The following KDM5A variants were observed in gnomAD, a reference collection of about 807,000 sequenced individuals.
KDM5A encodes the protein lysine demethylase 5A.
A neutral mutation model predicts 193.5 loss-of-function variants in KDM5A; 42 were observed. The observed-to-expected ratio is 0.22, with a 90% confidence interval of 0.17 to 0.28. KDM5A has a LOEUF of 0.28. Among genes scored for constraint, KDM5A ranks in the 10% least tolerant of loss-of-function variants. KDM5A has a pLI of 1.00. For synonymous variants in KDM5A, 796 were observed against 718.1 expected (o/e 1.11, Z -1.73); for missense variants, 1,692 against 2,055.1 (o/e 0.82, Z 3.42).
intron 10 of KDM5A, among the ~76,000 whole-genome samples, chr12:347,941 T>C (rs1353619645): frequency 2.0e-5 from 3 of 152,218 alleles, no homozygotes; most frequent in East Asian, 3.9e-4. Flanking sequence ...AGAGCTTCTG[T>C]ACAGCAAAAG....
At position 282,382 on chromosome 12, in the gene KDM5A, A is replaced by C. The variant is rs144345600; in HGVS notation, c.*3074T>G. 1 of 233,152 alleles carries C rather than the reference A, an allele frequency of 4.3e-6. No homozygotes were observed. Among genetic ancestry groups the C allele is most frequent in the Non-Finnish European group, 8.5e-6 (1 of 118,036 alleles). The allele number at this position is 233,152 out of a possible 1,614,324, so 14.4% of individuals were successfully genotyped here. ...ATTATTCAAGGTATGACATGCAATA[A>C]TTTATAATTTTACTGAGGCACAAAT... On this transcript the variant is annotated 3_prime_UTR_variant, in exon 28 of 28. Transcript: ENST00000399788.
At chr12:320,128 T>C (rs1210019254) in intron 18 of KDM5A, among the ~76,000 whole-genome samples, 1 of 152,178 alleles carries the variant, frequency 6.6e-6, no homozygotes, top group African/African-American at 2.4e-5. Flanking sequence ...TAGTCAACTA[T>C]CAAAATGCTC....
intron 14 of KDM5A, 61 bp downstream of exon 14, chr12:328,774 G>T: frequency 1.4e-6 from 2 of 1,479,868 alleles, no homozygotes; most frequent in Non-Finnish European, 1.9e-6. Flanking sequence ...TCTACCTATA[G>T]GTTTATTTAG....
In KDM5A at chr12:375,647, T is replaced by G. The variant is rs186395245; in HGVS notation, c.366+8384A>C. 2.6e-4 allele frequency among the ~76,000 whole-genome samples: 39 copies of G among 152,254 alleles called. No individual in the cohort carries two copies. The East Asian group carries it at 6.9e-3, about 27-fold the overall frequency. On this transcript the variant is annotated intron_variant, in intron 3 of 27. Coordinates refer to ENST00000399788, the MANE Select transcript of KDM5A (RefSeq NM_001042603.3). The stretch of plus-strand genomic sequence containing the variant: ...CTGTGTTCCTTTGGCGGGGGAGAGG[T>G]GCTCTGCTCTGATTTTTCTAATTTT...
At chr12:334,185 T>A in intron 11 of KDM5A, 56 bp downstream of exon 11, 1 of 1,456,258 alleles carries the variant, frequency 6.9e-7, no homozygotes, top group South Asian at 1.1e-5. Context: ...CCTAGCATCA[T>A]TAATCCACTA....
intron 2 of KDM5A, among the ~76,000 whole-genome samples, chr12:384,853 T>C (rs1944620515): frequency 1.3e-5 from 2 of 152,152 alleles, no homozygotes; most frequent in African/African-American, 4.8e-5. Flanking sequence ...CTGATACTAA[T>C]ATGCTTTGTC....
At chr12:330,075 G>GTA (rs1320131180) in intron 13 of KDM5A, among the ~76,000 whole-genome samples, 12 of 128,184 alleles carry the variant, frequency 9.4e-5, no homozygotes, top group African/African-American at 4.3e-4. Flanking sequence ...GTGTGTGTGT[G>GTA]TGTGTGTGTG....
Position 281,173 on chromosome 12 carries a change from A to C in KDM5A, c.*4283T>G, listed in dbSNP as rs1196929977. On this transcript the variant is annotated 3_prime_UTR_variant, in exon 28 of 28. Coordinates refer to ENST00000399788, the MANE Select transcript of KDM5A (RefSeq NM_001042603.3). Reference sequence around the variant, plus strand: ...TAATATTCTTTTAGAAAACACAAGAAACACAAAACATGCTCAAAGATCAAG... The same window carrying C: ...TAATATTCTTTTAGAAAACACAAGACACACAAAACATGCTCAAAGATCAAG... The C allele has an allele frequency of 4.3e-6, 1 of 233,028 alleles. No individual in the cohort carries two copies. Among genetic ancestry groups the C allele is most frequent in the African/African-American group, 2.2e-5 (1 of 45,336 alleles). The allele number at this position is 233,028 out of a possible 1,614,324, so 14.4% of individuals were successfully genotyped here. A position where few individuals can be genotyped will look rare whatever the true frequency, so the allele number is the denominator to read the frequency against.
intron 24 of KDM5A, among the ~76,000 whole-genome samples, chr12:303,469 A>G (rs1943470136): frequency 6.6e-6 from 1 of 152,228 alleles, no homozygotes; most frequent in African/African-American, 2.4e-5. Context: ...CAACGAGAAC[A>G]TATGGACACA....
chr12:302,745 G>T (rs565577398), intron 24 of KDM5A, among the ~76,000 whole-genome samples: 1 of 152,288 alleles, frequency 6.6e-6, no homozygotes, highest in Admixed American at 6.5e-5. Flanking sequence ...CCTACGGAAT[G>T]GGAGAAAATT....
intron 3 of KDM5A, among the ~76,000 whole-genome samples, chr12:377,667 T>C (rs7953137): frequency 0.7 from 107,008 of 152,028 alleles, 37,873 homozygotes; most frequent in Middle Eastern, 0.78. Flanking sequence ...CAAAAGGTCC[T>C]AAAAAATGTA....
intron 10 of KDM5A, among the ~76,000 whole-genome samples, chr12:337,433 T>C (rs1943948313): frequency 6.6e-6 from 1 of 151,968 alleles, no homozygotes; most frequent in Non-Finnish European, 1.5e-5. Context: ...ATGTAAAAGG[T>C]AAATTACAGA....
At position 373,097 on chromosome 12, in the gene KDM5A, C is replaced by T. The variant is rs867739155; in HGVS notation, c.367-6993G>A. ...GCCAGGCTTTGGTATCAGGATGATG[C>T]TGGCCTCATAAAATGAGTTAGGGAG... On this transcript the variant is annotated intron_variant, in intron 3 of 27. Coordinates refer to ENST00000399788, the MANE Select transcript of KDM5A (RefSeq NM_001042603.3). Among the ~76,000 whole-genome samples the T allele has an allele frequency of 1.7e-3, 265 of 152,286 alleles. 1 individual carries two copies. The highest frequency in any genetic ancestry group is 3.3e-3 in the African/African-American group (136 of 41,550).
rs1943149714 is a variant in KDM5A at position 281,045 on chromosome 12, C to A, written c.*4411G>T. 1 of 232,762 alleles carries A rather than the reference C, an allele frequency of 4.3e-6. No homozygotes were observed. Among genetic ancestry groups the A allele is most frequent in the South Asian group, 1.8e-4 (1 of 5,520 alleles). The allele number at this position is 232,762 out of a possible 1,614,324, so 14.4% of individuals were successfully genotyped here. A position where few individuals can be genotyped will look rare whatever the true frequency, so the allele number is the denominator to read the frequency against. On this transcript the variant is annotated 3_prime_UTR_variant, in exon 28 of 28. Transcript: ENST00000399788. ...TTTGCTTGGTTACCATTTAAAGTTG[C>A]CACCAATGTAAATGACAGGGGTTAG...
intron 24 of KDM5A, among the ~76,000 whole-genome samples, chr12:303,465 G>A (rs572463623): frequency 9.2e-5 from 14 of 152,314 alleles, no homozygotes; most frequent in South Asian, 4.1e-4. Context: ...TGAACAACGA[G>A]AACATATGGA....
intron 4 of KDM5A, among the ~76,000 whole-genome samples, chr12:364,960 T>TCAACTGGTAAATGGATAAAC (rs1363554839): frequency 1.3e-5 from 2 of 152,058 alleles, no homozygotes; most frequent in African/African-American, 4.8e-5. Flanking sequence ...TAAAACTCCA[T>TCAACTGGTAAATGGATAAAC]CAACTGGTAA....
chr12:300,087 G>A (rs1943423481), intron 24 of KDM5A, among the ~76,000 whole-genome samples: 1 of 151,924 alleles, frequency 6.6e-6, no homozygotes, highest in Non-Finnish European at 1.5e-5. Flanking sequence ...CAATAATAGT[G>A]GGAGACTTTA....
chr12:295,338 A>AAGAGAGAGAAAGAAAGAG (rs1943356804), intron 26 of KDM5A, among the ~76,000 whole-genome samples: 2 of 151,744 alleles, frequency 1.3e-5, no homozygotes, highest in African/African-American at 4.9e-5. Flanking sequence ...GAAAAAGAGA[A>AAGAGAGAGAAAGAAAGAG]AGAGAGAGAA....
rs1175926579 is a variant in KDM5A, at chr12:372,542, G to A, written c.367-6438C>T. 2.0e-5 allele frequency among the ~76,000 whole-genome samples: 3 copies of A among 152,194 alleles called. No homozygotes were observed. In the East Asian group the frequency reaches 5.8e-4, roughly 29 times the overall value. On this transcript the variant is annotated intron_variant, in intron 3 of 27. Coordinates refer to ENST00000399788, the MANE Select transcript of KDM5A (RefSeq NM_001042603.3). ...TACAGTCATGTCATCTGCAAACAGG[G>A]ACAACTTGACTTCCTCTTTTCCTGA... is the stretch of plus-strand genomic sequence containing the variant.
Sources: gnomAD v4.1 joint callset for allele counts (sites outside exome capture counted in the v4.1 genomes callset) on GRCh38, gnomAD v4.1.1 for gene constraint, MANE v1.5 for transcripts, NCBI Gene and HGNC (gene_info 2026-07-23, HGNC 2026-07-21) for gene names.